The following C12orf42 variants were observed in gnomAD, a reference collection of about 807,000 sequenced individuals.
C12orf42 encodes chromosome 12 open reading frame 42.
In C12orf42, 25 loss-of-function variants were observed where a neutral mutation model predicts 21.6. That is an observed-to-expected ratio of 1.16 (90% CI 0.84 to 1.62). The LOEUF is 1.62. C12orf42 is among the 40% of genes most tolerant of loss of function. C12orf42 has a pLI of 0.00. For synonymous variants in C12orf42, 174 were observed against 175.0 expected (o/e 0.99, Z 0.05); for missense variants, 483 against 459.3 (o/e 1.05, Z -0.47).
At chr12:103,242,894 A>C (rs2033820016) in intron 10 of C12orf42, among the ~76,000 whole-genome samples, 1 of 152,190 alleles carries the variant, frequency 6.6e-6, no homozygotes, top group Admixed American at 6.6e-5. Flanking sequence ...GCTAATAAAA[A>C]TTCCACTTAA....
chr12:103,127,861 TA>T, the C12orf42 span, among the ~76,000 whole-genome samples: 63 of 152,350 alleles, frequency 4.1e-4, no homozygotes, highest in Admixed American at 7.8e-4. Context: ...TGCTCCTTTA[TA>T]TTTTTATGTG....
At position 103,368,987 on chromosome 12, in the gene C12orf42, A is replaced by C; in HGVS notation, c.159T>G (p.Cys53Trp). 1 of 1,582,536 alleles carries C rather than the reference A, an allele frequency of 6.3e-7. No individual in the cohort carries two copies. Among genetic ancestry groups the C allele is most frequent in the Non-Finnish European group, 8.6e-7 (1 of 1,158,928 alleles). Reference sequence around the variant, plus strand: ...AGCAGGGTACTGAAGTTCTTTCATAACAAGGGATGTGCTGTAAGATAGAGG... The same window carrying C: ...AGCAGGGTACTGAAGTTCTTTCATACCAAGGGATGTGCTGTAAGATAGAGG... ...RSTPSAKHIPCYERTSVPCSR... is the reference protein window; with the variant it reads ...RSTPSAKHIPWYERTSVPCSR... Residue 53 changes from cysteine (C) to tryptophan (W), a missense_variant, in exon 4 of 6, where the codon TGT becomes TGG. Coordinates refer to ENST00000548883, the MANE Select transcript of C12orf42 (RefSeq NM_198521.5).
intron 5 of C12orf42, among the ~76,000 whole-genome samples, chr12:103,304,000 T>G (rs1477039467): frequency 6.6e-6 from 1 of 152,204 alleles, no homozygotes; most frequent in Non-Finnish European, 1.5e-5. Context: ...AGACAGGATA[T>G]GCTTTCCTAT....
intron 2 of C12orf42, among the ~76,000 whole-genome samples, chr12:103,475,663 C>T (rs141001082): frequency 6.5e-4 from 99 of 152,168 alleles, no homozygotes; most frequent in African/African-American, 2.2e-3. Context: ...GTGAAAAGAC[C>T]GTTGAGGAAT....
the C12orf42 span, among the ~76,000 whole-genome samples, chr12:103,136,943 T>C: frequency 6.6e-6 from 1 of 152,152 alleles, no homozygotes; most frequent in Non-Finnish European, 1.5e-5. Context: ...AAAGTAAACA[T>C]GGGGAAAACA....
chr12:103,152,986 A>C, the C12orf42 span, among the ~76,000 whole-genome samples: 1 of 152,152 alleles, frequency 6.6e-6, no homozygotes, highest in Non-Finnish European at 1.5e-5. Flanking sequence ...TTTTCTGATA[A>C]AATTAACTAG....
At chr12:103,070,633 C>T in the C12orf42 span, among the ~76,000 whole-genome samples, 42 of 151,994 alleles carry the variant, frequency 2.8e-4, no homozygotes, top group African/African-American at 7.7e-4. Context: ...TGTACTCATA[C>T]GACCACAAAT....
intron 4 of C12orf42, among the ~76,000 whole-genome samples, chr12:103,321,876 A>G (rs1448047694): frequency 2.6e-5 from 4 of 151,160 alleles, no homozygotes; most frequent in Admixed American, 2.6e-4. Flanking sequence ...GGGGTGGGGG[A>G]AGGGGGGAGG....
chr12:103,518,959 A>G, the C12orf42 span, among the ~76,000 whole-genome samples: 1 of 152,168 alleles, frequency 6.6e-6, no homozygotes, highest in Non-Finnish European at 1.5e-5. Flanking sequence ...TCCCAGCCAA[A>G]TCTCACCTTG....
the C12orf42 span, among the ~76,000 whole-genome samples, chr12:103,146,271 A>C: frequency 6.6e-6 from 1 of 152,034 alleles, no homozygotes; most frequent in East Asian, 1.9e-4. Context: ...ACTTGAGGTC[A>C]GGAGTTTGAG....
chr12:103,377,791 G>A (rs977168374), intron 3 of C12orf42, among the ~76,000 whole-genome samples: 44 of 152,122 alleles, frequency 2.9e-4, no homozygotes, highest in Admixed American at 2.9e-3. Flanking sequence ...CTGGGGGGTA[G>A]CATGAATTGA....
At chr12:103,104,413 G>A in the C12orf42 span, among the ~76,000 whole-genome samples, 829 of 152,194 alleles carry the variant, frequency 5.4e-3, 4 homozygotes, top group Non-Finnish European at 8.7e-3. Flanking sequence ...ATAGCTAGGC[G>A]TTAGGGTTTC....
At chr12:103,278,538 C>T (rs1428155141) in intron 4 of C12orf42, among the ~76,000 whole-genome samples, 2 of 152,252 alleles carry the variant, frequency 1.3e-5, no homozygotes, top group Non-Finnish European at 2.9e-5. Flanking sequence ...GACACCTCAT[C>T]TCCACTCCTG....
chr12:103,535,396 A>G, the C12orf42 span, among the ~76,000 whole-genome samples: 3 of 152,018 alleles, frequency 2.0e-5, no homozygotes, highest in Non-Finnish European at 2.9e-5. Context: ...ATAAAATATA[A>G]GCATGAACTA....
the C12orf42 span, among the ~76,000 whole-genome samples, chr12:103,530,634 GA>G: frequency 7.2e-5 from 11 of 152,068 alleles, no homozygotes; most frequent in African/African-American, 2.7e-4. Flanking sequence ...TTCGGGGGGG[GA>G]AAACCCACAC....
At chr12:103,095,064 G>A in the C12orf42 span, among the ~76,000 whole-genome samples, 8 of 152,070 alleles carry the variant, frequency 5.3e-5, no homozygotes, top group Non-Finnish European at 1.0e-4. Flanking sequence ...GGAAAATCCC[G>A]CCAGCGTTTC....
the C12orf42 span, among the ~76,000 whole-genome samples, chr12:103,153,393 C>T: frequency 1.4e-4 from 21 of 152,134 alleles, no homozygotes; most frequent in East Asian, 1.4e-3. Context: ...TAAAAGGCAA[C>T]CTACAGAGTG....
intron 4 of C12orf42, among the ~76,000 whole-genome samples, chr12:103,357,720 T>C (rs1382419310): frequency 6.6e-6 from 1 of 152,100 alleles, no homozygotes; most frequent in South Asian, 2.1e-4. Context: ...CCCCTTTCAT[T>C]GGCCAGTTCA....
the C12orf42 span, among the ~76,000 whole-genome samples, chr12:103,069,805 A>G: frequency 1.3e-5 from 2 of 152,304 alleles, no homozygotes; most frequent in South Asian, 2.1e-4. Context: ...AATATGCATG[A>G]ATAATTATAG....
Sources: allele counts gnomAD v4.1 joint callset (sites outside exome capture counted in the v4.1 genomes callset), GRCh38; gene constraint gnomAD v4.1.1; transcripts MANE v1.5; gene names NCBI Gene and HGNC (gene_info 2026-07-23, HGNC 2026-07-21).